Variants in MYCBPAP observed in about 807,000 individuals in gnomAD.
MYCBPAP encodes MYCBP-associated protein.
MYCBPAP carries 60 observed loss-of-function variants against 106.1 expected under a neutral mutation model. The observed-to-expected ratio is 0.57, with a 90% CI of 0.46 to 0.70. The LOEUF (loss-of-function observed/expected upper bound fraction) is 0.70, where lower values mean the gene tolerates loss of function less well. MYCBPAP is among the 30% of genes least tolerant of loss of function. The pLI, the probability that MYCBPAP is intolerant of heterozygous loss-of-function variation, is 0.00. For synonymous variants in MYCBPAP, 407 were observed against 440.6 expected, an observed-to-expected ratio of 0.92 and a Z score of 0.95; for missense variants, 1,064 against 1,169.3, an observed-to-expected ratio of 0.91 and a Z score of 1.31.
chr17:50,515,791 G>C (rs2034026931), intron 1 of MYCBPAP: 1 of 152,202 alleles, frequency 6.6e-6, no homozygotes, highest in Non-Finnish European at 1.5e-5. Flanking sequence ...AGACTGTCCA[G>C]CTTATAAATA....
chr17:50,528,631 G>C lies in MYCBPAP; in HGVS notation c.2408-64G>C, dbSNP rs202142254. The C allele has an allele frequency of 1.6e-4, 251 of 1,579,746 alleles. No individual in the cohort carries two copies. In the African/African-American group the frequency reaches 3.0e-3, roughly 19 times the overall value. On this transcript the variant is annotated intron_variant, in intron 16 of 18. Transcript: ENST00000323776. ...TCCACCTCCCCTCAAGCCTCCTCACGTACCTGCAGCATCCACTAGGCTGTT... is the reference window on the plus strand; with the variant it reads ...TCCACCTCCCCTCAAGCCTCCTCACCTACCTGCAGCATCCACTAGGCTGTT...
chr17:50,525,098 C>T (rs182508018), intron 13 of MYCBPAP, 75 bp downstream of exon 13: 65 of 1,535,590 alleles, frequency 4.2e-5, no homozygotes, highest in African/African-American at 4.1e-4. Context: ...GGCCGCACAG[C>T]GGCAGGTGAG....
At chr17:50,515,310 T>C (rs1046824448) in intron 1 of MYCBPAP, among the ~76,000 whole-genome samples, 2 of 152,138 alleles carry the variant, frequency 1.3e-5, no homozygotes, top group Non-Finnish European at 2.9e-5. Context: ...TGTTTCCCAT[T>C]GGGCATGTGC....
Position 50,516,603 on chromosome 17 carries a change from C to CA in MYCBPAP, c.111dup (p.Pro38ThrfsTer8), listed in dbSNP as rs2034060441. 6.2e-7 allele frequency: 1 copy of CA among 1,614,204 alleles called. No individual in the cohort carries two copies. The highest frequency in any genetic ancestry group is 8.5e-7 in the Non-Finnish European group (1 of 1,180,040). On this transcript the variant is annotated frameshift_variant, in exon 2 of 19. Coordinates refer to ENST00000323776, the MANE Select transcript of MYCBPAP (RefSeq NM_032133.6). LOFTEE classifies it high-confidence loss of function. Reference sequence around the variant, plus strand: ...CGGGCAAAGGGACCTGAACAACCCACACCCACAATTCAGGAAGAGCCTGAA... The same window carrying CA: ...CGGGCAAAGGGACCTGAACAACCCACAACCCACAATTCAGGAAGAGCCTGAA...
At chr17:50,511,455 C>T (rs1001447138) in intron 1 of MYCBPAP, among the ~76,000 whole-genome samples, 1 of 152,176 alleles carries the variant, frequency 6.6e-6, no homozygotes, top group African/African-American at 2.4e-5. Flanking sequence ...ACCCTAAGGT[C>T]AGAATTTCCC....
chr17:50,527,265 A>G (rs1376993834), intron 14 of MYCBPAP, 22 bp from the exon 15 acceptor site: 1 of 1,613,532 alleles, frequency 6.2e-7, no homozygotes, highest in South Asian at 1.1e-5. Context: ...CTGGTGCAGA[A>G]TGGTGCCCAT....
Position 50,508,552 on chromosome 17 carries a change from G to A in MYCBPAP, c.-123G>A. ...CGCCCAAGTTGATCGGTGGATGCGCGCCCCCGCGCGGGGCACCGGTTGCTG... is the reference window on the plus strand; with the variant it reads ...CGCCCAAGTTGATCGGTGGATGCGCACCCCCGCGCGGGGCACCGGTTGCTG... On this transcript the variant is annotated 5_prime_UTR_variant, in exon 1 of 19. Coordinates refer to ENST00000323776, the MANE Select transcript of MYCBPAP (RefSeq NM_032133.6). The A allele has an allele frequency of 6.5e-7, 1 of 1,542,994 alleles. No homozygotes were observed. Among genetic ancestry groups the A allele is most frequent in the Non-Finnish European group, 8.7e-7 (1 of 1,144,830 alleles).
intron 18 of MYCBPAP, chr17:50,530,158 T>C: frequency 1.3e-5 from 5 of 392,476 alleles, no homozygotes; most frequent in South Asian, 9.4e-5. Context: ...TGAGGACCCA[T>C]GGGGGTCAAC....
rs779269263 is a variant in MYCBPAP at position 50,523,103 on chromosome 17, G to A, written c.1422G>A (p.Gln474=). Residue 474 remains glutamine (Q), a synonymous_variant, in exon 11 of 19, where the codon CAG becomes CAA. Transcript: ENST00000323776. ...TFQDLKKNRM[Q]RFYFDNREGV... ...AAGACCTTAAGAAAAACAGGATGCAGCGATTTTACTTTGACAACCGGGAAG... is the reference window on the plus strand; with the variant it reads ...AAGACCTTAAGAAAAACAGGATGCAACGATTTTACTTTGACAACCGGGAAG... 34 of 1,613,790 alleles carry A rather than the reference G, an allele frequency of 2.1e-5. No individual in the cohort carries two copies. In the South Asian group the frequency reaches 2.3e-4, roughly 11 times the overall value.
intron 1 of MYCBPAP, among the ~76,000 whole-genome samples, chr17:50,512,967 A>G (rs2033909804): frequency 6.6e-6 from 1 of 152,180 alleles, no homozygotes; most frequent in Non-Finnish European, 1.5e-5. Flanking sequence ...CTGTAATCCC[A>G]GGACTTTGGG....
At chr17:50,516,776 T>C (rs1157539157) in intron 2 of MYCBPAP, 79 bp downstream of exon 2, 13 of 1,526,788 alleles carry the variant, frequency 8.5e-6, no homozygotes, top group Non-Finnish European at 1.2e-5. Context: ...ACACCAGCCA[T>C]GTCCCTACTC....
At chr17:50,527,012 G>T (rs1366827700) in intron 14 of MYCBPAP, among the ~76,000 whole-genome samples, 1 of 152,240 alleles carries the variant, frequency 6.6e-6, no homozygotes, top group African/African-American at 2.4e-5. Flanking sequence ...ACTGTGCCCA[G>T]CTGGGTTACC....
rs1351594029 is a variant in MYCBPAP at position 50,526,264 on chromosome 17, A to C, written c.2166A>C (p.Arg722Ser). ...LEWNLCLEDFRKAVMVLPDEN... is the reference protein window; with the variant it reads ...LEWNLCLEDFSKAVMVLPDEN... ...GGAACCTCTGCTTGGAGGACTTCAG[A>C]AAGGTGCTTCCAAGACCCTGGAAGG... The change falls in exon 14 of 19, where the codon AGA becomes AGC. Residue 722 changes from arginine (R) to serine (S), a missense_variant. Transcript: ENST00000323776. 3 of 1,600,006 alleles carry C rather than the reference A, an allele frequency of 1.9e-6. No homozygotes were observed. Among genetic ancestry groups the C allele is most frequent in the Admixed American group, 1.7e-5 (1 of 57,670 alleles).
At chr17:50,518,748 C>T (rs373117327) in intron 5 of MYCBPAP, 24 bp downstream of exon 5, 55 of 1,553,598 alleles carry the variant, frequency 3.5e-5, no homozygotes, top group African/African-American at 3.3e-4. Context: ...ACAGGGCTCC[C>T]GCCCGGCCTC....
At chr17:50,518,777 T>C (rs1313371986) in intron 5 of MYCBPAP, 53 bp downstream of exon 5, 1 of 1,554,294 alleles carries the variant, frequency 6.4e-7, no homozygotes, top group Admixed American at 2.0e-5. Context: ...AGCAAGGCTC[T>C]GCTGGGTTGT....
At chr17:50,530,222 G>T (rs1335660645) in intron 18 of MYCBPAP, 1 of 438,354 alleles carries the variant, frequency 2.3e-6, no homozygotes, top group Admixed American at 2.6e-5. Flanking sequence ...GACCAGGTGC[G>T]GTGGCTCGTG....
In MYCBPAP at chr17:50,513,218, C is replaced by CAAA. The variant is rs1190873215; in HGVS notation, c.77-3332_77-3330dup. ...GGGCAACAAGAGTGAAACTCCATCT[C>CAAA]AAAAAAAAAAAAAAAAAAAAAAGCT... On this transcript the variant is annotated intron_variant, in intron 1 of 18. Coordinates refer to ENST00000323776, the MANE Select transcript of MYCBPAP (RefSeq NM_032133.6). Among the ~76,000 whole-genome samples, 380 of 62,246 alleles carry CAAA rather than the reference C, an allele frequency of 6.1e-3. 10 individuals are homozygous for CAAA. The highest frequency in any genetic ancestry group is 0.011 in the African/African-American group (172 of 16,302). 40.8% of individuals were successfully genotyped at this position (62,246 alleles called of 152,430 possible).
At chr17:50,525,252 A>C in intron 13 of MYCBPAP, 2 of 439,564 alleles carry the variant, frequency 4.5e-6, no homozygotes, top group East Asian at 3.8e-5. Flanking sequence ...AATCTAACTA[A>C]TGCCTGATGA....
chr17:50,527,075 T>C (rs2034486804), intron 14 of MYCBPAP, among the ~76,000 whole-genome samples: 1 of 152,224 alleles, frequency 6.6e-6, no homozygotes, highest in Admixed American at 6.5e-5. Context: ...GGGCCTACTC[T>C]CTGACCCTGG....
Sources: gnomAD v4.1 joint callset for allele counts (sites outside exome capture counted in the v4.1 genomes callset) on GRCh38, gnomAD v4.1.1 for gene constraint, MANE v1.5 for transcripts, NCBI Gene and HGNC (gene_info 2026-07-23, HGNC 2026-07-21) for gene names.